Variants in SGIP1 observed in about 807,000 individuals in gnomAD.
SGIP1 encodes the protein SH3-containing GRB2-like protein 3-interacting protein 1.
SGIP1 carries 38 observed loss-of-function variants against 107.5 expected under a neutral mutation model. That is an observed-to-expected ratio of 0.35 (90% CI 0.27 to 0.46). The LOEUF (loss-of-function observed/expected upper bound fraction) is 0.46. SGIP1 is among the 20% of genes least tolerant of loss of function. The pLI is 1.00. For missense variants in SGIP1, 929 were observed against 1,019.5 expected (o/e 0.91, Z 1.21); for synonymous variants, 365 against 366.1 (o/e 1.00, Z 0.03).
At chr1:66,631,941 T>A (rs766358735) in intron 2 of SGIP1, among the ~76,000 whole-genome samples, 10 of 152,182 alleles carry the variant, frequency 6.6e-5, no homozygotes, top group Non-Finnish European at 1.2e-4. Flanking sequence ...AATGGGAGGT[T>A]ATAAAATTAC....
chr1:66,705,746 A>G (rs535613014), intron 18 of SGIP1, among the ~76,000 whole-genome samples: 2 of 152,258 alleles, frequency 1.3e-5, no homozygotes, highest in Non-Finnish European at 2.9e-5. Context: ...AGAAATAAAC[A>G]CTTCAAGAAA....
chr1:66,542,917 C>T (rs756395779), intron 1 of SGIP1, among the ~76,000 whole-genome samples: 4 of 152,180 alleles, frequency 2.6e-5, no homozygotes, highest in South Asian at 2.1e-4. Flanking sequence ...ATTTGTATAA[C>T]GGCGTAACTG....
intron 5 of SGIP1, among the ~76,000 whole-genome samples, chr1:66,640,502 G>A (rs1419596422): frequency 6.6e-6 from 1 of 152,122 alleles, no homozygotes; most frequent in African/African-American, 2.4e-5. Context: ...TGAACATTTG[G>A]GGGAAGAGAA....
chr1:66,550,574 C>T (rs1475150811), intron 1 of SGIP1, among the ~76,000 whole-genome samples: 1 of 152,096 alleles, frequency 6.6e-6, no homozygotes, highest in East Asian at 1.9e-4. Context: ...ATTACCACTG[C>T]CCCTCCCCCA....
chr1:66,556,959 A>T (rs1209950274), intron 1 of SGIP1, among the ~76,000 whole-genome samples: 1 of 152,172 alleles, frequency 6.6e-6, no homozygotes, highest in East Asian at 1.9e-4. Context: ...AACAACAATT[A>T]TAATAGTACC....
At chr1:66,661,345 G>A (rs955064226) in intron 8 of SGIP1, among the ~76,000 whole-genome samples, 7 of 152,176 alleles carry the variant, frequency 4.6e-5, no homozygotes, top group Admixed American at 1.3e-4. Flanking sequence ...AACGCACCTA[G>A]GTGGATGGTG....
chr1:66,731,831 T>A (rs1314495493), intron 20 of SGIP1, among the ~76,000 whole-genome samples: 2 of 152,234 alleles, frequency 1.3e-5, no homozygotes, highest in Non-Finnish European at 2.9e-5. Context: ...CTGGAGACAT[T>A]TCAGTTTGCA....
At chr1:66,715,325 G>T (rs1277383412) in intron 18 of SGIP1, among the ~76,000 whole-genome samples, 2 of 152,126 alleles carry the variant, frequency 1.3e-5, no homozygotes, top group Non-Finnish European at 2.9e-5. Context: ...AGAAATTAGG[G>T]TTGTAAATTT....
intron 1 of SGIP1, among the ~76,000 whole-genome samples, chr1:66,571,243 A>G (rs187301769): frequency 2.0e-5 from 3 of 152,078 alleles, no homozygotes; most frequent in African/African-American, 4.8e-5. Flanking sequence ...AGGACATTAC[A>G]TCAGGTTTCT....
intron 1 of SGIP1, among the ~76,000 whole-genome samples, chr1:66,555,218 C>A (rs551545235): frequency 6.6e-6 from 1 of 152,050 alleles, no homozygotes; most frequent in Non-Finnish European, 1.5e-5. Flanking sequence ...TGTGTGCCCT[C>A]CTCATATACA....
At chr1:66,688,989 T>G (rs920910216) in intron 15 of SGIP1, among the ~76,000 whole-genome samples, 159 bp from the exon 16 acceptor site, 12 of 129,802 alleles carry the variant, frequency 9.2e-5, no homozygotes, top group African/African-American at 3.6e-4. Flanking sequence ...TTTTCTTTAT[T>G]AAGAAAAAAA....
At chr1:66,741,154 C>A in intron 23 of SGIP1, 118 bp from the exon 24 acceptor site, 2 of 1,068,680 alleles carry the variant, frequency 1.9e-6, no homozygotes, top group Non-Finnish European at 2.6e-6. Flanking sequence ...CTCATTTAAT[C>A]ACCATTTTGT....
intron 17 of SGIP1, among the ~76,000 whole-genome samples, chr1:66,692,705 C>G (rs992660175): frequency 6.6e-6 from 1 of 152,216 alleles, no homozygotes; most frequent in African/African-American, 2.4e-5. Context: ...CACTGCAATA[C>G]TTCTTTTTGA....
At chr1:66,541,946 C>G (rs933465084) in intron 1 of SGIP1, among the ~76,000 whole-genome samples, 1 of 152,104 alleles carries the variant, frequency 6.6e-6, no homozygotes, top group Admixed American at 6.6e-5. Flanking sequence ...GTATATGATA[C>G]CACATTAGCA....
chr1:66,574,659 C>A (rs1001009261), intron 1 of SGIP1, among the ~76,000 whole-genome samples: 2 of 152,166 alleles, frequency 1.3e-5, no homozygotes, highest in Admixed American at 1.3e-4. Flanking sequence ...TTAAGCAAAT[C>A]TATCCTTGTT....
chr1:66,616,799 G>T (rs1328513752), intron 1 of SGIP1, among the ~76,000 whole-genome samples: 2 of 152,076 alleles, frequency 1.3e-5, no homozygotes, highest in African/African-American at 4.8e-5. Flanking sequence ...GTCACCAAAA[G>T]AATAAATATT....
intron 6 of SGIP1, among the ~76,000 whole-genome samples, chr1:66,643,256 A>G (rs1240662273): frequency 6.6e-6 from 1 of 152,194 alleles, no homozygotes; most frequent in Non-Finnish European, 1.5e-5. Flanking sequence ...GTAGATGAGT[A>G]AGCTCACATG....
chr1:66,740,677 A>C lies in SGIP1; in HGVS notation c.2254A>C (p.Ile752Leu). The part of the protein sequence containing the change: ...PAVWNAEQQR[I>L]LWKIPDISQK... ...TTTTAGGAATGCTGAACAACAGAGAATATTGTGGAAGATTCCTGATATCTC... is the reference window on the plus strand; with the variant it reads ...TTTTAGGAATGCTGAACAACAGAGACTATTGTGGAAGATTCCTGATATCTC... The change falls in exon 23 of 25, where the codon ATA becomes CTA. Residue 752 changes from isoleucine to leucine, a missense_variant. By Grantham distance (5) the Ile-to-Leu change is conservative. Around this residue, in one of 2 missense-constraint regions of SGIP1, gnomAD observed 341 missense variants for 430.9 expected, o/e 0.79. Transcript: ENST00000371037. The C allele has an allele frequency of 6.2e-7, 1 of 1,608,040 alleles. No homozygotes were observed. The highest frequency in any genetic ancestry group is 8.5e-7 in the Non-Finnish European group (1 of 1,175,818).
intron 7 of SGIP1, among the ~76,000 whole-genome samples, chr1:66,647,523 A>T (rs1364541458): frequency 6.6e-6 from 1 of 152,206 alleles, no homozygotes; most frequent in Non-Finnish European, 1.5e-5. Flanking sequence ...AGTTTCTTCC[A>T]CTGGGTCCTG....
Sources: allele counts gnomAD v4.1 joint callset (sites outside exome capture counted in the v4.1 genomes callset), GRCh38; gene constraint gnomAD v4.1.1; regional missense constraint gnomAD v4.1.1; transcripts MANE v1.5; gene names NCBI Gene and HGNC (gene_info 2026-07-23, HGNC 2026-07-21).